DPP6: variants seen among roughly 807,000 people sequenced by gnomAD.
DPP6 encodes the protein A-type potassium channel modulatory protein DPP6.
DPP6 carries 69 observed loss-of-function variants against 122.6 expected under a neutral mutation model. That is an observed-to-expected ratio of 0.56 (90% CI 0.46 to 0.69). The LOEUF (loss-of-function observed/expected upper bound fraction) is 0.69. DPP6 is among the 30% of genes least tolerant of loss of function. The probability of loss-of-function intolerance (pLI) is 0.00; values close to 1 mark genes in which losing one functional copy is unlikely to be tolerated. For synonymous variants in DPP6, 418 were observed against 433.1 expected, an observed-to-expected ratio of 0.97 and a Z score of 0.43; for missense variants, 928 against 1,116.9, an observed-to-expected ratio of 0.83 and a Z score of 2.41.
chr7:154,131,952 A>G (rs1341844961), intron 1 of DPP6, among the ~76,000 whole-genome samples: 1 of 152,204 alleles, frequency 6.6e-6, no homozygotes, highest in Non-Finnish European at 1.5e-5. Context: ...TCATTTTTAC[A>G]CTCTTACATA....
At chr7:154,517,801 A>G (rs1470036268) in intron 3 of DPP6, among the ~76,000 whole-genome samples, 1 of 152,194 alleles carries the variant, frequency 6.6e-6, no homozygotes, top group Non-Finnish European at 1.5e-5. Flanking sequence ...AGAAAAAATG[A>G]AACCAACAGA....
At chr7:154,512,940 G>T (rs79317431) in intron 3 of DPP6, among the ~76,000 whole-genome samples, 7,764 of 152,234 alleles carry the variant, frequency 0.051, 232 homozygotes, top group Middle Eastern at 0.075. Context: ...TTACCTGCAG[G>T]AACAGGAAAA....
chr7:154,388,470 C>T (rs1814317529), intron 1 of DPP6, among the ~76,000 whole-genome samples: 1 of 152,178 alleles, frequency 6.6e-6, no homozygotes, highest in South Asian at 2.1e-4. Context: ...CCCCCCAAAA[C>T]TCTTGGAGTA....
the DPP6 span, among the ~76,000 whole-genome samples, chr7:153,809,810 G>A: frequency 7.0e-6 from 1 of 143,288 alleles, no homozygotes; most frequent in South Asian, 2.3e-4. Flanking sequence ...CCAGTTGGGT[G>A]ATTATTCCTC....
intron 3 of DPP6, among the ~76,000 whole-genome samples, chr7:154,506,246 T>C (rs975973084): frequency 9.9e-5 from 15 of 152,208 alleles, no homozygotes; most frequent in Admixed American, 9.8e-4. Context: ...TCAGTTTTTG[T>C]TGTGTTCAGA....
chr7:153,784,651 T>C, the DPP6 span, among the ~76,000 whole-genome samples: 1 of 152,192 alleles, frequency 6.6e-6, no homozygotes, highest in Non-Finnish European at 1.5e-5. Context: ...AATCGCCATC[T>C]GTAATTGATG....
chr7:154,748,668 C>T (rs10280156), intron 8 of DPP6, among the ~76,000 whole-genome samples: 9,092 of 152,202 alleles, frequency 0.06, 917 homozygotes, highest in African/African-American at 0.21. Flanking sequence ...TCGCGCATGG[C>T]GGTAAGCAGG....
chr7:154,673,364 G>A (rs1838687078), intron 7 of DPP6, among the ~76,000 whole-genome samples: 1 of 152,198 alleles, frequency 6.6e-6, no homozygotes, highest in Admixed American at 6.5e-5. Context: ...TATATCACAG[G>A]TGATGACCCA....
At chr7:154,597,654 G>A (rs1833180819) in intron 5 of DPP6, among the ~76,000 whole-genome samples, 3 of 151,930 alleles carry the variant, frequency 2.0e-5, no homozygotes, top group East Asian at 1.9e-4. Context: ...TAGGGCTGTC[G>A]TAACAAAGTG....
intron 16 of DPP6, among the ~76,000 whole-genome samples, chr7:154,851,458 T>C (rs991146677): frequency 2.6e-5 from 4 of 152,248 alleles, no homozygotes; most frequent in African/African-American, 4.8e-5. Context: ...AAAATACTTA[T>C]AGGTTCTTTA....
chr7:154,020,565 A>G (rs1798650113), intron 1 of DPP6, among the ~76,000 whole-genome samples: 1 of 152,192 alleles, frequency 6.6e-6, no homozygotes, highest in Admixed American at 6.5e-5. Flanking sequence ...TTCCCATGCC[A>G]TTCATGTCAT....
At chr7:154,412,764 C>A (rs1300901787) in intron 1 of DPP6, among the ~76,000 whole-genome samples, 2 of 152,144 alleles carry the variant, frequency 1.3e-5, no homozygotes, top group African/African-American at 2.4e-5. Flanking sequence ...TCATCTCACT[C>A]GACGACCTCA....
At chr7:154,136,473 G>T (rs1050222835) in intron 1 of DPP6, among the ~76,000 whole-genome samples, 30 of 152,198 alleles carry the variant, frequency 2.0e-4, no homozygotes, top group South Asian at 4.1e-4. Context: ...CTTTATTCCA[G>T]ATTTTTGAAA....
At chr7:153,816,213 T>C in the DPP6 span, among the ~76,000 whole-genome samples, 4 of 152,198 alleles carry the variant, frequency 2.6e-5, no homozygotes, top group African/African-American at 9.6e-5. Flanking sequence ...AAGGAAAATA[T>C]TTATAGTTTT....
At chr7:153,748,868 G>T in the DPP6 span, among the ~76,000 whole-genome samples, 1 of 145,988 alleles carries the variant, frequency 6.8e-6, no homozygotes, top group African/African-American at 2.5e-5. Flanking sequence ...CTCCCCCGAG[G>T]CGCGCACCTC....
chr7:154,676,731 CCAGTGGACATG>C (rs1236811348), intron 7 of DPP6, among the ~76,000 whole-genome samples: 1 of 152,190 alleles, frequency 6.6e-6, no homozygotes, highest in Admixed American at 6.5e-5. Flanking sequence ...GTACACAGGC[CCAGTGGACATG>C]TGTCCTAAAG....
chr7:154,333,737 C>T (rs192075346), intron 1 of DPP6, among the ~76,000 whole-genome samples: 3 of 152,300 alleles, frequency 2.0e-5, no homozygotes, highest in East Asian at 3.9e-4. Context: ...TTCAAGAATT[C>T]GAGATCCAAA....
intron 13 of DPP6, 34 bp downstream of exon 13, chr7:154,801,496 A>C: frequency 6.5e-7 from 1 of 1,539,162 alleles, no homozygotes; most frequent in Non-Finnish European, 8.8e-7. Flanking sequence ...CTGAACTAGA[A>C]ACTGGCCTGC....
intron 1 of DPP6, among the ~76,000 whole-genome samples, chr7:153,903,773 CTT>C (rs1799735363): frequency 6.6e-6 from 1 of 152,114 alleles, no homozygotes; most frequent in Non-Finnish European, 1.5e-5. Flanking sequence ...CATCTTTTGT[CTT>C]TTCAGTTGTT....
Sources: gnomAD v4.1 joint callset for allele counts (sites outside exome capture counted in the v4.1 genomes callset) on GRCh38, gnomAD v4.1.1 for gene constraint, MANE v1.5 for transcripts, NCBI Gene and HGNC (gene_info 2026-07-23, HGNC 2026-07-21) for gene names.